Variants in PARD3B observed in about 807,000 individuals in gnomAD.
PARD3B encodes partitioning defective 3 homolog B.
Under a neutral mutation model 130.2 loss-of-function variants are expected in PARD3B, and 103 were observed. The ratio of observed to expected loss-of-function variants is 0.79; its 90% confidence interval spans 0.67 to 0.93. PARD3B has a LOEUF of 0.93. Ranked by LOEUF, PARD3B falls within the 40% of genes least tolerant of loss-of-function variation. PARD3B has a pLI of 0.00. For missense variants in PARD3B, 1,609 were observed against 1,499.2 expected (o/e 1.07, Z -1.21); for synonymous variants, 583 against 553.2 (o/e 1.05, Z -0.76).
At chr2:205,173,839 G>C (rs550568927) in intron 12 of PARD3B, among the ~76,000 whole-genome samples, 3 of 152,132 alleles carry the variant, frequency 2.0e-5, no homozygotes, top group African/African-American at 7.2e-5. Flanking sequence ...TCTGGTTTAG[G>C]ATAGTTCTTA....
At chr2:204,724,336 C>T (rs975685338) in intron 2 of PARD3B, among the ~76,000 whole-genome samples, 2 of 152,122 alleles carry the variant, frequency 1.3e-5, no homozygotes, top group Non-Finnish European at 2.9e-5. Flanking sequence ...TTCAAAGTCA[C>T]AATGTCTTCA....
intron 1 of PARD3B, among the ~76,000 whole-genome samples, chr2:204,653,333 C>A (rs1180178095): frequency 1.3e-5 from 2 of 150,354 alleles, no homozygotes. Flanking sequence ...TCATTGTAAC[C>A]CCTTCTGTTA....
intron 1 of PARD3B, among the ~76,000 whole-genome samples, chr2:204,625,043 C>G (rs2034438923): frequency 6.6e-6 from 1 of 152,004 alleles, no homozygotes. Context: ...TTCTTAATGT[C>G]TTTAACCCAT....
intron 3 of PARD3B, among the ~76,000 whole-genome samples, chr2:204,987,419 T>C (rs1209386178): frequency 1.3e-5 from 2 of 152,210 alleles, no homozygotes; most frequent in Non-Finnish European, 2.9e-5. Context: ...TTTCTTATGG[T>C]ATTACCTTTG....
intron 2 of PARD3B, among the ~76,000 whole-genome samples, chr2:204,879,437 G>T (rs892398168): frequency 1.3e-5 from 2 of 152,160 alleles, no homozygotes; most frequent in African/African-American, 4.8e-5. Context: ...TGAGGAAGGA[G>T]TTGGGTTCAT....
At chr2:205,068,677 A>G (rs1339626659) in intron 4 of PARD3B, among the ~76,000 whole-genome samples, 2 of 152,144 alleles carry the variant, frequency 1.3e-5, no homozygotes, top group African/African-American at 2.4e-5. Flanking sequence ...GTTTGTTTCT[A>G]ATCAAAGTAC....
intron 2 of PARD3B, among the ~76,000 whole-genome samples, chr2:204,788,493 G>A (rs1249791706): frequency 6.6e-6 from 1 of 152,194 alleles, no homozygotes; most frequent in Non-Finnish European, 1.5e-5. Context: ...AGCCACCCAG[G>A]TGCAGATGAT....
intron 2 of PARD3B, among the ~76,000 whole-genome samples, chr2:204,936,239 G>A (rs527919425): frequency 3.9e-5 from 6 of 152,332 alleles, no homozygotes; most frequent in South Asian, 2.1e-4. Context: ...CTGTGTGGTC[G>A]GGGAGTCATC....
intron 2 of PARD3B, among the ~76,000 whole-genome samples, chr2:204,873,346 G>T (rs1416661137): frequency 6.6e-6 from 1 of 152,114 alleles, no homozygotes. Context: ...ATCATAGCAG[G>T]CAAGGCAACT....
chr2:204,810,640 G>A (rs924046549), intron 2 of PARD3B, among the ~76,000 whole-genome samples: 2 of 151,914 alleles, frequency 1.3e-5, no homozygotes, highest in Admixed American at 6.6e-5. Context: ...AACCAACCTT[G>A]CATATCAGAG....
chr2:205,115,801 G>A (rs966126422), intron 6 of PARD3B, among the ~76,000 whole-genome samples: 5 of 152,072 alleles, frequency 3.3e-5, no homozygotes, highest in South Asian at 4.1e-4. Context: ...CAGGGGCTTC[G>A]TTAAGGTCAT....
At chr2:205,566,224 G>A (rs1279944415) in intron 22 of PARD3B, among the ~76,000 whole-genome samples, 6 of 152,192 alleles carry the variant, frequency 3.9e-5, no homozygotes, top group Admixed American at 1.3e-4. Flanking sequence ...CCTTTGCGGG[G>A]TTTTAAGCAG....
chr2:204,701,764 CA>C (rs767535854), intron 2 of PARD3B, among the ~76,000 whole-genome samples: 4 of 151,616 alleles, frequency 2.6e-5, no homozygotes, highest in East Asian at 1.9e-4. Context: ...CTTTTAGCTT[CA>C]GGGGGTACAT....
chr2:205,141,693 A>G (rs2032968377), intron 10 of PARD3B, among the ~76,000 whole-genome samples: 1 of 152,184 alleles, frequency 6.6e-6, no homozygotes, highest in South Asian at 2.1e-4. Flanking sequence ...ATGGCAATGG[A>G]AAAAGGGGAA....
At position 205,015,541 on chromosome 2, in the gene PARD3B, A is replaced by G. The variant is rs1696078933; in HGVS notation, c.395-32040A>G. Among the ~76,000 whole-genome samples the G allele has an allele frequency of 6.6e-6, 1 of 152,200 alleles. No homozygotes were observed. On this transcript the variant is annotated intron_variant, in intron 3 of 22. Transcript: ENST00000406610. This position sits in a 1 kb window ranked among gnomAD's most constrained non-coding sequence, Gnocchi z 4.5. ...GTATAACCCAGTCTTGAGCTTCACA[A>G]CAAACAGGTATTGGATGATAGTTGG... is the stretch of plus-strand genomic sequence containing the variant.
At chr2:204,736,346 A>G (rs900879424) in intron 2 of PARD3B, among the ~76,000 whole-genome samples, 2 of 152,034 alleles carry the variant, frequency 1.3e-5, no homozygotes, top group Non-Finnish European at 2.9e-5. Flanking sequence ...TCCTATAGTG[A>G]TGAATTTTGA....
chr2:205,035,311 A>G (rs1244830367), intron 3 of PARD3B, among the ~76,000 whole-genome samples: 3 of 152,188 alleles, frequency 2.0e-5, no homozygotes, highest in Non-Finnish European at 4.4e-5. Context: ...CTTCACACAT[A>G]CATACTTGTA....
At chr2:204,923,406 C>A (rs1008046930) in intron 2 of PARD3B, among the ~76,000 whole-genome samples, 8 of 151,808 alleles carry the variant, frequency 5.3e-5, no homozygotes, top group African/African-American at 1.9e-4. Context: ...TTTGATACAG[C>A]ACAACTTATG....
chr2:205,098,407 AG>A (rs1433715250), intron 4 of PARD3B, among the ~76,000 whole-genome samples: 6 of 152,120 alleles, frequency 3.9e-5, no homozygotes, highest in African/African-American at 1.4e-4. Context: ...AATCAGAGGG[AG>A]ATACTTATTG....
Sources: allele counts gnomAD v4.1 joint callset (sites outside exome capture counted in the v4.1 genomes callset), GRCh38; gene constraint gnomAD v4.1.1; non-coding constraint Gnocchi (gnomAD v3.1); transcripts MANE v1.5; gene names NCBI Gene and HGNC (gene_info 2026-07-23, HGNC 2026-07-21).